KIF13B: variants seen among roughly 807,000 people sequenced by gnomAD.
The protein encoded by KIF13B is kinesin family member 13B.
In KIF13B, 127 loss-of-function variants were observed where a neutral mutation model predicts 222.0. The ratio of observed to expected loss-of-function variants is 0.57; its 90% CI spans 0.50 to 0.66. The LOEUF (loss-of-function observed/expected upper bound fraction) is 0.66. KIF13B is among the 30% of genes least tolerant of loss of function. KIF13B has a pLI of 0.00. For synonymous variants in KIF13B, 976 were observed against 919.0 expected, an observed-to-expected ratio of 1.06 and a Z score of -1.12; for missense variants, 2,173 against 2,379.0, an observed-to-expected ratio of 0.91 and a Z score of 1.80.
chr8:29,123,259 C>A, intron 28 of KIF13B, 107 bp downstream of exon 28: 1 of 1,217,776 alleles, frequency 8.2e-7, no homozygotes, highest in East Asian at 2.4e-5. Flanking sequence ...ACATTTCCCC[C>A]CATGCTATTG....
At chr8:29,241,868 G>C (rs1303169977) in intron 2 of KIF13B, among the ~76,000 whole-genome samples, 1 of 151,810 alleles carries the variant, frequency 6.6e-6, no homozygotes, top group African/African-American at 2.4e-5. Context: ...TTTTAAAAAA[G>C]ATATGAGGCA....
intron 1 of KIF13B, among the ~76,000 whole-genome samples, chr8:29,254,868 G>A (rs555260469): frequency 1.3e-5 from 2 of 152,280 alleles, no homozygotes; most frequent in South Asian, 4.1e-4. Flanking sequence ...ATTCATAATA[G>A]CCAAAAATTG....
chr8:29,138,585 C>T (rs1343143869), intron 21 of KIF13B: 1 of 152,192 alleles, frequency 6.6e-6, no homozygotes, highest in Non-Finnish European at 1.5e-5. Flanking sequence ...GATGTGGCTC[C>T]TGATGGAAGA....
intron 8 of KIF13B, 112 bp from the exon 9 acceptor site, chr8:29,177,690 C>T (rs1431673915): frequency 1.4e-6 from 1 of 739,600 alleles, no homozygotes; most frequent in Non-Finnish European, 2.4e-6. Context: ...TCACCTGAGC[C>T]CAGGATTTCA....
chr8:29,141,346 G>C (rs1251723840), intron 19 of KIF13B, among the ~76,000 whole-genome samples: 2 of 151,240 alleles, frequency 1.3e-5, no homozygotes, highest in Middle Eastern at 3.5e-3. Context: ...AAAAAAAAAA[G>C]GTGAGCCCCT....
intron 1 of KIF13B, among the ~76,000 whole-genome samples, chr8:29,246,752 T>C (rs1816043965): frequency 6.6e-6 from 1 of 151,922 alleles, no homozygotes; most frequent in African/African-American, 2.4e-5. Flanking sequence ...AGGAAAGACA[T>C]ATATAAATCG....
At chr8:29,116,187 G>A (rs1809587438) in intron 31 of KIF13B, among the ~76,000 whole-genome samples, 1 of 152,230 alleles carries the variant, frequency 6.6e-6, no homozygotes, top group Non-Finnish European at 1.5e-5. Flanking sequence ...GTGCGCCACT[G>A]CACTGGGCTC....
intron 1 of KIF13B, among the ~76,000 whole-genome samples, chr8:29,260,041 G>T (rs2117186862): frequency 6.6e-6 from 1 of 152,296 alleles, no homozygotes. Flanking sequence ...TTAGTGGAAT[G>T]TTAAAATAAA....
intron 37 of KIF13B, among the ~76,000 whole-genome samples, chr8:29,092,188 A>G (rs1278086579): frequency 6.6e-6 from 1 of 152,234 alleles, no homozygotes; most frequent in Non-Finnish European, 1.5e-5. Flanking sequence ...CCCATTCACT[A>G]TTGCATAAGA....
rs769605242 is a variant in KIF13B at position 29,072,102 on chromosome 8, G to A, written c.4736C>T (p.Ser1579Leu). ...GTCCAGGCCGGGGCCCAGGGCGTCC[G>A]ACAGGGTCGCGGTGGAGACGCTGTG... ...FSHSVSTATL[S>L]DALGPGLDAA... is the part of the protein sequence containing the mutation. The change falls in exon 39 of 40, where the codon TCG becomes TTG. Residue 1579 changes from serine (S) to leucine (L), a missense_variant. Ser to Leu is a moderately radical substitution (Grantham distance 145). Coordinates refer to ENST00000524189, the MANE Select transcript of KIF13B (RefSeq NM_015254.4). The A allele has an allele frequency of 1.4e-5, 19 of 1,354,912 alleles. No individual in the cohort carries two copies. Among genetic ancestry groups the A allele is most frequent in the Non-Finnish European group, 1.7e-5 (18 of 1,050,806 alleles). The allele number at this position is 1,354,912 out of a possible 1,614,324, so 83.9% of individuals were successfully genotyped here.
intron 5 of KIF13B, 51 bp downstream of exon 5, chr8:29,188,464 A>G: frequency 6.9e-6 from 8 of 1,151,920 alleles, no homozygotes; most frequent in East Asian, 2.4e-5. Context: ...ACATGGTTCT[A>G]TTTTCTTTCA....
At chr8:29,139,942 G>C (rs1200910649) in intron 21 of KIF13B, 121 bp downstream of exon 21, 2 of 874,976 alleles carry the variant, frequency 2.3e-6, no homozygotes, top group South Asian at 1.8e-5. Context: ...AAGACCTGCA[G>C]TTCTCAAAAT....
intron 16 of KIF13B, 30 bp downstream of exon 16, chr8:29,148,547 G>A (rs755192182): frequency 3.3e-6 from 5 of 1,519,812 alleles, no homozygotes; most frequent in Non-Finnish European, 4.4e-6. Flanking sequence ...AACTGGAACT[G>A]ATTCTCAAGT....
chr8:29,223,579 G>A (rs1380681940), intron 2 of KIF13B, among the ~76,000 whole-genome samples: 2 of 152,044 alleles, frequency 1.3e-5, no homozygotes, highest in Admixed American at 1.3e-4. Context: ...AATTTAACAC[G>A]TAACTAAAAT....
At chr8:29,143,009 C>G (rs1810888735) in intron 18 of KIF13B, among the ~76,000 whole-genome samples, 1 of 152,094 alleles carries the variant, frequency 6.6e-6, no homozygotes, top group Non-Finnish European at 1.5e-5. Flanking sequence ...CATGCCAATA[C>G]ACCCAGCTAA....
At chr8:29,192,731 A>G (rs1813241503) in intron 3 of KIF13B, among the ~76,000 whole-genome samples, 1 of 152,210 alleles carries the variant, frequency 6.6e-6, no homozygotes, top group Admixed American at 6.5e-5. Context: ...GTAAATTAAT[A>G]ATGCATACTG....
At position 29,099,193 on chromosome 8, in the gene KIF13B, C is replaced by T; in HGVS notation, c.4264G>A (p.Gly1422Arg). 6.2e-7 allele frequency: 1 copy of T among 1,613,588 alleles called. No individual in the cohort carries two copies. The highest frequency in any genetic ancestry group is 1.3e-5 in the African/African-American group (1 of 74,976). Reference sequence around the variant, plus strand: ...GAGAGGGCGGGGGCAGGAGCTATTCCTCTGGAAACTGTGGTTTGGGATACA... The same window carrying T: ...GAGAGGGCGGGGGCAGGAGCTATTCTTCTGGAAACTGTGGTTTGGGATACA... ...QDVSQTTVSRGIAPAPALSVS... is the reference protein window; with the variant it reads ...QDVSQTTVSRRIAPAPALSVS... The change falls in exon 36 of 40, where the codon GGA (glycine) becomes AGA (arginine). Residue 1422 changes from glycine (G) to arginine (R), a missense_variant. Transcript: ENST00000524189.
intron 35 of KIF13B, among the ~76,000 whole-genome samples, chr8:29,107,766 T>C (rs892778081): frequency 3.9e-5 from 6 of 152,046 alleles, no homozygotes; most frequent in East Asian, 3.9e-4. Flanking sequence ...TTCACCGTGT[T>C]AGCCAGGATG....
chr8:29,240,409 C>T (rs1444902166), intron 2 of KIF13B, among the ~76,000 whole-genome samples: 1 of 151,448 alleles, frequency 6.6e-6, no homozygotes, highest in Admixed American at 6.6e-5. Flanking sequence ...AGAAGAAGAT[C>T]AAATTCAAGA....
Sources: gnomAD v4.1 joint callset for allele counts (sites outside exome capture counted in the v4.1 genomes callset) on GRCh38, gnomAD v4.1.1 for gene constraint, MANE v1.5 for transcripts, NCBI Gene and HGNC (gene_info 2026-07-23, HGNC 2026-07-21) for gene names.